Variants in EIF3L observed in about 807,000 individuals in gnomAD.
EIF3L encodes eIEF associated protein HSPC021.
Under a neutral mutation model 74.6 loss-of-function variants are expected in EIF3L, and 32 were observed. The ratio of observed to expected loss-of-function variants is 0.43; its 90% CI spans 0.32 to 0.58. The LOEUF (loss-of-function observed/expected upper bound fraction) is 0.58. EIF3L is among the 20% of genes least tolerant of loss of function. EIF3L has a pLI of 0.06. For synonymous variants in EIF3L, 256 were observed against 254.4 expected (o/e 1.01, Z -0.06); for missense variants, 474 against 707.8 (o/e 0.67, Z 3.75).
intron 3 of EIF3L, among the ~76,000 whole-genome samples, chr22:37,852,004 A>T (rs1925252187): frequency 6.6e-6 from 1 of 151,768 alleles, no homozygotes; most frequent in South Asian, 2.1e-4. Flanking sequence ...GGGTTTCATC[A>T]TGTTGGCCAG....
At chr22:37,878,417 TAA>T (rs34181613) in intron 11 of EIF3L, 1,969 of 143,012 alleles carry the variant, frequency 0.014, 11 homozygotes, top group African/African-American at 0.024. Context: ...TTTTCTCTAT[TAA>T]AAAAAAAAAA....
intron 4 of EIF3L, among the ~76,000 whole-genome samples, chr22:37,857,056 G>A (rs980882169): frequency 2.0e-5 from 3 of 151,308 alleles, no homozygotes; most frequent in Middle Eastern, 3.5e-3. Context: ...GAGTATTGCC[G>A]TCTTAACAGT....
chr22:37,868,110 A>ATTTT (rs545183532), intron 7 of EIF3L, among the ~76,000 whole-genome samples: 4 of 92,668 alleles, frequency 4.3e-5, no homozygotes, highest in African/African-American at 9.0e-5. Context: ...TCTTTGTAGG[A>ATTTT]TTTTTTTTTT....
intron 7 of EIF3L, among the ~76,000 whole-genome samples, chr22:37,863,787 C>T (rs1040123786): frequency 2.6e-5 from 4 of 151,886 alleles, no homozygotes; most frequent in Non-Finnish European, 5.9e-5. Context: ...AGGGTCAGGC[C>T]GGGCGCGGTG....
At chr22:37,886,193 CA>C (rs1346549876) in intron 11 of EIF3L, 240 of 53,372 alleles carry the variant, frequency 4.5e-3, no homozygotes, top group Middle Eastern at 0.017. Flanking sequence ...GACTCCATCT[CA>C]AAAAAAAAAA....
chr22:37,878,282 G>C, intron 11 of EIF3L, 111 bp downstream of exon 11: 3 of 1,395,308 alleles, frequency 2.2e-6, no homozygotes. Context: ...TGGCCTTGTG[G>C]TGCTGCCACA....
intron 11 of EIF3L, chr22:37,882,704 A>G (rs1003575861): frequency 6.6e-6 from 1 of 151,300 alleles, no homozygotes; most frequent in African/African-American, 2.4e-5. Flanking sequence ...TAATTTTTAT[A>G]CATAATTTGC....
chr22:37,869,683 G>A (rs1926370343), intron 7 of EIF3L, among the ~76,000 whole-genome samples: 1 of 152,128 alleles, frequency 6.6e-6, no homozygotes, highest in African/African-American at 2.4e-5. Context: ...GTTGAGAGTG[G>A]TAGAGAGGTG....
At position 37,878,171 on chromosome 22, in the gene EIF3L, G is replaced by C; in HGVS notation, c.1575G>C (p.Lys525Asn). The C allele has an allele frequency of 6.3e-7, 1 of 1,597,934 alleles. No individual in the cohort carries two copies. Among genetic ancestry groups the C allele is most frequent in the Non-Finnish European group, 8.5e-7 (1 of 1,170,224 alleles). ...SASEVDFYID[K>N]DMIHIADTKV... ...CAGAGGTTGACTTCTACATTGATAA[G>C]GTATGCCTGTCCCCTGGGCTTGGGG... Residue 525 changes from lysine to asparagine, a missense_variant and splice_region_variant, in exon 11 of 13, where the codon AAG (lysine) becomes AAC (asparagine). Transcript: ENST00000652021.
At position 37,877,876 on chromosome 22, in the gene EIF3L, A is replaced by T; in HGVS notation, c.1280A>T (p.Asn427Ile). The change falls in exon 11 of 13, where the codon AAC becomes ATC. Residue 427 changes from asparagine (N) to isoleucine (I), a missense_variant. This residue lies in a region of EIF3L where 293 missense variants were observed against 469.1 expected (regional missense o/e 0.62). Transcript: ENST00000652021. ...AAGTTCCTGTCGCCTGTAGTGCCCA[A>T]CTATGATAATGTGCACCCCAACTAC... The part of the protein sequence containing the change: ...CPKFLSPVVP[N>I]YDNVHPNYHK... The T allele has an allele frequency of 6.2e-7, 1 of 1,613,388 alleles. No individual in the cohort carries two copies. The highest frequency in any genetic ancestry group is 8.5e-7 in the Non-Finnish European group (1 of 1,179,846).
At chr22:37,849,928 GCT>G in intron 1 of EIF3L, 85 bp from the exon 2 acceptor site, 1 of 1,444,588 alleles carries the variant, frequency 6.9e-7, no homozygotes, top group South Asian at 1.1e-5. Context: ...TGTATCCTTA[GCT>G]CTCTGCTTGG....
intron 4 of EIF3L, among the ~76,000 whole-genome samples, chr22:37,857,370 A>C (rs929047657): frequency 3.7e-4 from 8 of 21,502 alleles, no homozygotes; most frequent in East Asian, 4.3e-3. Flanking sequence ...ACTGCGTCCC[A>C]AAAAAAAAAA....
At chr22:37,864,169 A>G (rs928478591) in intron 7 of EIF3L, among the ~76,000 whole-genome samples, 1 of 151,996 alleles carries the variant, frequency 6.6e-6, no homozygotes, top group Non-Finnish European at 1.5e-5. Context: ...TGATTTTCCC[A>G]CCTCAGCCAC....
intron 11 of EIF3L, chr22:37,879,767 A>G (rs1039253373): frequency 6.6e-6 from 1 of 150,490 alleles, no homozygotes; most frequent in Non-Finnish European, 1.5e-5. Flanking sequence ...CACACCTCAC[A>G]TAACCCTCAT....
intron 10 of EIF3L, chr22:37,877,257 G>A (rs948667282): frequency 5.7e-6 from 1 of 175,248 alleles, no homozygotes; most frequent in African/African-American, 2.4e-5. Context: ...AATCTTGCAG[G>A]ATCACCATCC....
chr22:37,849,787 T>C (rs1925067750), intron 1 of EIF3L: 1 of 610,410 alleles, frequency 1.6e-6, no homozygotes, highest in East Asian at 2.8e-5. Flanking sequence ...ATCTCGCTGA[T>C]TCCCACAGCC....
rs1194726481 is a variant in EIF3L, at chr22:37,884,938, G to A, written c.1576-1827G>A. The A allele has an allele frequency of 6.1e-5, 6 of 98,712 alleles. No homozygotes were observed. In the Admixed American group the frequency reaches 6.8e-4, roughly 11 times the overall value. 6.1% of individuals were successfully genotyped at this position (98,712 alleles called of 1,614,324 possible). The stretch of plus-strand genomic sequence containing the variant: ...TTTTTTTTTTTTTTTTTTTAAGATA[G>A]CATCTTAATCCTCCAGTTGTCCAGG... On this transcript the variant is annotated intron_variant, in intron 11 of 12. Transcript: ENST00000652021.
intron 7 of EIF3L, 110 bp downstream of exon 7, chr22:37,863,455 T>C (rs898830400): frequency 2.3e-6 from 2 of 874,380 alleles, no homozygotes; most frequent in East Asian, 2.6e-5. Flanking sequence ...CCCATTGTAG[T>C]GTAAAATACC....
At chr22:37,863,378 A>G in intron 7 of EIF3L, 33 bp downstream of exon 7, 1 of 1,532,698 alleles carries the variant, frequency 6.5e-7, no homozygotes, top group South Asian at 1.1e-5. Flanking sequence ...ATTTGAAATA[A>G]CTGGTCCATG....
Sources: gnomAD v4.1 joint callset for allele counts (sites outside exome capture counted in the v4.1 genomes callset) on GRCh38, gnomAD v4.1.1 for gene constraint, gnomAD v4.1.1 regional missense constraint, MANE v1.5 for transcripts, NCBI Gene and HGNC (gene_info 2026-07-23, HGNC 2026-07-21) for gene names.